FAM167A: variants seen among roughly 807,000 people sequenced by gnomAD.
FAM167A encodes family with sequence similarity 167 member A.
FAM167A carries 23 observed loss-of-function variants against 14.9 expected under a neutral mutation model. The observed-to-expected ratio is 1.55, with a 90% confidence interval of 1.11 to 2.19. The LOEUF is 2.19. FAM167A is among the 30% of genes most tolerant of loss of function. The pLI is 0.00. For synonymous variants in FAM167A, 174 were observed against 117.7 expected, an observed-to-expected ratio of 1.48 and a Z score of -3.10; for missense variants, 401 against 281.5, an observed-to-expected ratio of 1.42 and a Z score of -3.04.
At chr8:11,456,083 G>A (rs1419444480) in intron 1 of FAM167A, among the ~76,000 whole-genome samples, 1 of 147,496 alleles carries the variant, frequency 6.8e-6, no homozygotes, top group Non-Finnish European at 1.5e-5. Flanking sequence ...GTGAGTGTGG[G>A]AGGTGGTTGC....
chr8:11,432,609 C>A (rs1269153155), intron 2 of FAM167A, among the ~76,000 whole-genome samples: 1 of 152,176 alleles, frequency 6.6e-6, no homozygotes, highest in African/African-American at 2.4e-5. Flanking sequence ...TGCTTTTACA[C>A]TGTTGGGAGT....
chr8:11,429,510 A>G (rs548718990), intron 2 of FAM167A, among the ~76,000 whole-genome samples: 95 of 152,310 alleles, frequency 6.2e-4, no homozygotes, highest in East Asian at 4.8e-3. Context: ...GCAGCCGCAC[A>G]CGTTTGACAT....
chr8:11,452,259 T>G lies in FAM167A; in HGVS notation c.-397-7451A>C, dbSNP rs112885336. Among the ~76,000 whole-genome samples the G allele has an allele frequency of 7.3e-3, 1,112 of 152,330 alleles. 10 individuals carry two copies. The highest frequency in any genetic ancestry group is 0.024 in the Middle Eastern group (7 of 294). ...ATGCTTGATGAGGACAGAATGACAA[T>G]TTCGCATATGAGTGAATTTATCCTT... On this transcript the variant is annotated intron_variant, in intron 1 of 2. Transcript: ENST00000284486.
At position 11,445,155 on chromosome 8, in the gene FAM167A, C is replaced by A. The variant is rs943737629; in HGVS notation, c.-397-347G>T. 8 of 985,260 alleles carry A rather than the reference C, an allele frequency of 8.1e-6. No individual in the cohort carries two copies. In the African/African-American group the frequency reaches 1.2e-4, roughly 15 times the overall value. The allele number at this position is 985,260 out of a possible 1,614,324, so 61.0% of individuals were successfully genotyped here. ...GAAGTTAAATGACTCACCGAGATCT[C>A]CCAGCAATAAGTTGTGGGGACAAGC... is the stretch of plus-strand genomic sequence containing the variant. On this transcript the variant is annotated intron_variant, in intron 1 of 2. Coordinates refer to ENST00000284486, the MANE Select transcript of FAM167A (RefSeq NM_053279.3).
Position 11,441,467 on chromosome 8 carries a change from T to G in FAM167A, c.381+2564A>C, listed in dbSNP as rs557929752. On this transcript the variant is annotated intron_variant, in intron 2 of 2. Coordinates refer to ENST00000284486, the MANE Select transcript of FAM167A (RefSeq NM_053279.3). ...GAGCCCCAGTGACCTGCATGCACAT[T>G]AGAGTTTGGCAGTCAATGCTCTGAG... 7.9e-5 allele frequency among the ~76,000 whole-genome samples: 12 copies of G among 152,328 alleles called. No individual in the cohort carries two copies. In the South Asian group the frequency reaches 2.3e-3, roughly 29 times the overall value.
intron 2 of FAM167A, among the ~76,000 whole-genome samples, chr8:11,441,336 G>C (rs1162076557): frequency 6.6e-6 from 1 of 152,194 alleles, no homozygotes; most frequent in Non-Finnish European, 1.5e-5. Context: ...GATACCCTAA[G>C]TGTGGCCCAG....
In FAM167A at chr8:11,444,511, T is replaced by C. The variant is rs750354704; in HGVS notation, c.-100A>G. On this transcript the variant is annotated 5_prime_UTR_variant, in exon 2 of 3. The change abolishes an upstream ATG in the 5' untranslated region. Transcript: ENST00000284486. ...TGGGTCCCGCTCTGGGATGGCCTCA[T>C]CCAGGTGCCCGAGGGCATTTCCGGG... 14 of 1,479,760 alleles carry C rather than the reference T, an allele frequency of 9.5e-6. No individual in the cohort carries two copies. Among genetic ancestry groups the C allele is most frequent in the Non-Finnish European group, 1.2e-5 (14 of 1,122,350 alleles). 91.7% of individuals were successfully genotyped at this position (1,479,760 alleles called of 1,614,324 possible). A position where few individuals can be genotyped will look rare whatever the true frequency, so the allele number is the denominator to read the frequency against.
intron 1 of FAM167A, 99 bp from the exon 2 acceptor site, chr8:11,444,907 G>A (rs1806692977): frequency 6.5e-6 from 6 of 922,500 alleles, no homozygotes; most frequent in East Asian, 2.3e-4. Context: ...GGCTCAGAGT[G>A]GACTGGTGGC....
At chr8:11,454,963 G>A (rs1033739283) in intron 1 of FAM167A, among the ~76,000 whole-genome samples, 1 of 151,384 alleles carries the variant, frequency 6.6e-6, no homozygotes, top group Non-Finnish European at 1.5e-5. Flanking sequence ...GAGCAGGAGG[G>A]ACCCTGCTGT....
At chr8:11,440,034 T>TC (rs1806335035) in intron 2 of FAM167A, among the ~76,000 whole-genome samples, 2 of 151,912 alleles carry the variant, frequency 1.3e-5, no homozygotes, top group Middle Eastern at 3.4e-3. Flanking sequence ...AGCAATGCCC[T>TC]CCCCCCACTC....
chr8:11,443,771 G>C, intron 2 of FAM167A: 1 of 474,178 alleles, frequency 2.1e-6, no homozygotes, highest in Non-Finnish European at 3.8e-6. Flanking sequence ...CTTAACATGG[G>C]TTCAGGTTCT....
intron 2 of FAM167A, among the ~76,000 whole-genome samples, chr8:11,424,969 T>C (rs749237630): frequency 3.3e-5 from 5 of 152,088 alleles, no homozygotes; most frequent in African/African-American, 9.7e-5. Context: ...AAGGAAAACA[T>C]AGGGTAACAG....
chr8:11,475,219 C>CCTGTG (rs1797833549), intron 1 of FAM167A, among the ~76,000 whole-genome samples: 2 of 152,144 alleles, frequency 1.3e-5, no homozygotes, highest in Non-Finnish European at 2.9e-5. Context: ...TCCTCTGGGA[C>CCTGTG]CCCCTCCCTG....
upstream of FAM167A, among the ~76,000 whole-genome samples, chr8:11,469,557 T>G (rs1807889827): frequency 6.6e-6 from 1 of 152,074 alleles, no homozygotes; most frequent in Admixed American, 6.5e-5. Flanking sequence ...CAGGAAGCTG[T>G]GAAATAGATG....
intron 2 of FAM167A, among the ~76,000 whole-genome samples, chr8:11,441,213 G>A (rs1182103903): frequency 6.6e-6 from 1 of 152,180 alleles, no homozygotes; most frequent in African/African-American, 2.4e-5. Flanking sequence ...CAAGCCACAT[G>A]GGCAGTTATG....
In FAM167A at chr8:11,444,200, A is replaced by C. The variant is rs1030871965; in HGVS notation, c.212T>G (p.Leu71Trp). 5 of 1,612,832 alleles carry C rather than the reference A, an allele frequency of 3.1e-6. No individual in the cohort carries two copies. The highest frequency in any genetic ancestry group is 4.2e-6 in the Non-Finnish European group (5 of 1,179,868). ...CTGCCCCCCACGCTCCCCCTCCTCCAAGCTCGCCTGTGGCTCCGCAGCCGG... is the reference window on the plus strand; with the variant it reads ...CTGCCCCCCACGCTCCCCCTCCTCCCAGCTCGCCTGTGGCTCCGCAGCCGG... ...PRPAAEPQASLEEGERGGQEP... is the reference protein window; with the variant it reads ...PRPAAEPQASWEEGERGGQEP... Residue 71 changes from leucine (L) to tryptophan (W), a missense_variant, in exon 2 of 3, where the codon TTG becomes TGG. Coordinates refer to ENST00000284486, the MANE Select transcript of FAM167A (RefSeq NM_053279.3).
intron 2 of FAM167A, among the ~76,000 whole-genome samples, chr8:11,430,804 C>A (rs953348325): frequency 1.3e-5 from 2 of 151,996 alleles, no homozygotes; most frequent in African/African-American, 4.8e-5. Context: ...GAAGAAGGAC[C>A]CAGAGAGGAA....
chr8:11,458,806 G>T (rs1585277621), intron 1 of FAM167A, among the ~76,000 whole-genome samples: 1 of 152,218 alleles, frequency 6.6e-6, no homozygotes, highest in South Asian at 2.1e-4. Flanking sequence ...CAGAAAGAGA[G>T]AGAAAGAGAG....
At chr8:11,436,980 C>T (rs577209507) in intron 2 of FAM167A, among the ~76,000 whole-genome samples, 3 of 152,316 alleles carry the variant, frequency 2.0e-5, no homozygotes, top group Admixed American at 2.0e-4. Context: ...CTGCCTGCGC[C>T]TCCAAAGGGA....
Sources: allele counts gnomAD v4.1 joint callset (sites outside exome capture counted in the v4.1 genomes callset), GRCh38; gene constraint gnomAD v4.1.1; transcripts MANE v1.5; gene names NCBI Gene and HGNC (gene_info 2026-07-23, HGNC 2026-07-21).